Variants in SLC16A12 observed in about 807,000 individuals in gnomAD.
The protein encoded by SLC16A12 is monocarboxylate transporter 12.
Under a neutral mutation model 42.4 loss-of-function variants are expected in SLC16A12, and 17 were observed. The ratio of observed to expected loss-of-function variants is 0.40; its 90% CI spans 0.27 to 0.60. SLC16A12 has a LOEUF of 0.60. Among genes scored for constraint, SLC16A12 ranks in the 20% least tolerant of loss-of-function variants. The pLI is 0.42. For synonymous variants in SLC16A12, 224 were observed against 229.4 expected, an observed-to-expected ratio of 0.98 and a Z score of 0.21; for missense variants, 544 against 623.0, an observed-to-expected ratio of 0.87 and a Z score of 1.35.
intron 2 of SLC16A12, among the ~76,000 whole-genome samples, chr10:89,510,693 A>G (rs1447817051): frequency 6.6e-6 from 1 of 152,244 alleles, no homozygotes; most frequent in Non-Finnish European, 1.5e-5. Context: ...CGACTAAAAC[A>G]CCAAAAGCAA....
upstream of SLC16A12, among the ~76,000 whole-genome samples, chr10:89,538,182 T>C (rs1721551797): frequency 6.6e-6 from 1 of 152,224 alleles, no homozygotes; most frequent in South Asian, 2.1e-4. Context: ...CTGCTATCGC[T>C]GTGCAGAAGA....
chr10:89,470,467 G>T (rs760947831), intron 2 of SLC16A12, among the ~76,000 whole-genome samples: 1 of 152,226 alleles, frequency 6.6e-6, no homozygotes, highest in Non-Finnish European at 1.5e-5. Flanking sequence ...TGTCTAAGCA[G>T]AGAGAAACAG....
At chr10:89,536,392 G>A (rs565589024), upstream of SLC16A12, among the ~76,000 whole-genome samples, 1 of 152,088 alleles carries the variant, frequency 6.6e-6, no homozygotes, top group Non-Finnish European at 1.5e-5. Context: ...ATAACCTTGG[G>A]CAATTTAACT....
intron 2 of SLC16A12, among the ~76,000 whole-genome samples, chr10:89,488,007 TTTA>T (rs1238500646): frequency 7.3e-6 from 1 of 137,464 alleles, no homozygotes; most frequent in Non-Finnish European, 1.6e-5. Context: ...CACACACACA[TTTA>T]TTATACCATA....
At chr10:89,555,566 C>CGTATAT (rs1057512534) in intron 2 of SLC16A12, among the ~76,000 whole-genome samples, 2 of 93,796 alleles carry the variant, frequency 2.1e-5, no homozygotes, top group South Asian at 3.2e-4. Flanking sequence ...TATACATATA[C>CGTATAT]GTATATGTAT....
rs552672691 is a variant in SLC16A12 at position 89,487,730 on chromosome 10, T to G, written c.-46-25106A>C. ...AGGAGGCTTAGGCACAAGAATGGCT[T>G]GAACCTGGGAGGCAGAGTTTGCTGT... On this transcript the variant is annotated intron_variant, in intron 2 of 7. Transcript: ENST00000371790. Among the ~76,000 whole-genome samples, 14 of 144,178 alleles carry G rather than the reference T, an allele frequency of 9.7e-5. No homozygotes were observed. The South Asian group carries it at 1.7e-3, about 18-fold the overall frequency. 94.6% of individuals were successfully genotyped at this position (144,178 alleles called of 152,430 possible). A position where few individuals can be genotyped will look rare whatever the true frequency, so the allele number is the denominator to read the frequency against.
chr10:89,459,309 GT>G lies in SLC16A12; in HGVS notation c.200+3069del, dbSNP rs201227644. Among the ~76,000 whole-genome samples the G allele has an allele frequency of 4.9e-5, 7 of 143,732 alleles. No homozygotes were observed. The South Asian group carries it at 6.4e-4, about 13-fold the overall frequency. 94.3% of individuals were successfully genotyped at this position (143,732 alleles called of 152,430 possible). On this transcript the variant is annotated intron_variant, in intron 3 of 7. Coordinates refer to ENST00000371790, the MANE Select transcript of SLC16A12 (RefSeq NM_213606.4). ...GACAATGACTCCCATAACCAAGGCA[GT>G]TTTTTTAAAAAAAAAAACCCATGTC...
At chr10:89,494,384 A>T (rs1431603335) in intron 2 of SLC16A12, among the ~76,000 whole-genome samples, 1 of 152,210 alleles carries the variant, frequency 6.6e-6, no homozygotes, top group Non-Finnish European at 1.5e-5. Context: ...CAAATGCTCA[A>T]ATATGCTCAT....
chr10:89,551,956 G>C (rs1223033057), intron 2 of SLC16A12, among the ~76,000 whole-genome samples: 1 of 152,108 alleles, frequency 6.6e-6, no homozygotes, highest in Non-Finnish European at 1.5e-5. Context: ...AATTTTTTGA[G>C]ACAGAGTCTC....
At chr10:89,485,066 G>A (rs1178966898) in intron 2 of SLC16A12, among the ~76,000 whole-genome samples, 1 of 152,214 alleles carries the variant, frequency 6.6e-6, no homozygotes, top group Non-Finnish European at 1.5e-5. Context: ...CCTTCTGCCT[G>A]TATATAGAGC....
At chr10:89,486,601 AAAAAAGAAAGAAAG>A (rs1842746703) in intron 2 of SLC16A12, among the ~76,000 whole-genome samples, 2 of 130,886 alleles carry the variant, frequency 1.5e-5, no homozygotes, top group African/African-American at 3.0e-5. Context: ...CAAAAAAAAA[AAAAAAGAAAGAAAG>A]AAAGAAAGAA....
intron 5 of SLC16A12, among the ~76,000 whole-genome samples, chr10:89,440,072 T>TAAA (rs1841880196): frequency 5.3e-5 from 1 of 18,896 alleles, no homozygotes; most frequent in Non-Finnish European, 1.5e-4. Flanking sequence ...AGACCCTGTC[T>TAAA]CAAAAAAAAA....
intron 6 of SLC16A12, 27 bp from the exon 7 acceptor site, chr10:89,436,346 T>C (rs1230957438): frequency 1.9e-6 from 3 of 1,613,606 alleles, no homozygotes; most frequent in Admixed American, 1.7e-5. Context: ...CAAGAATAAG[T>C]GCAGGAGGTA....
chr10:89,449,593 A>G (rs1842059802), intron 3 of SLC16A12, among the ~76,000 whole-genome samples: 1 of 152,228 alleles, frequency 6.6e-6, no homozygotes, highest in African/African-American at 2.4e-5. Context: ...CTTATACCTT[A>G]TACAAAAATT....
intron 2 of SLC16A12, among the ~76,000 whole-genome samples, chr10:89,515,283 C>T (rs985522301): frequency 4.6e-5 from 7 of 152,174 alleles, no homozygotes; most frequent in Admixed American, 4.6e-4. Context: ...AAATCCCCCA[C>T]ATTGGGAATG....
At chr10:89,544,084 G>A (rs1283103558) in intron 2 of SLC16A12, among the ~76,000 whole-genome samples, 1 of 152,126 alleles carries the variant, frequency 6.6e-6, no homozygotes, top group Non-Finnish European at 1.5e-5. Context: ...CTTCCTCTGG[G>A]AGACTCATTC....
At chr10:89,494,047 T>A (rs1842886230) in intron 2 of SLC16A12, among the ~76,000 whole-genome samples, 1 of 152,140 alleles carries the variant, frequency 6.6e-6, no homozygotes, top group African/African-American at 2.4e-5. Flanking sequence ...ACTAATTTAA[T>A]CCCCCACGCT....
At chr10:89,540,839 G>A (rs944692952) in intron 2 of SLC16A12, among the ~76,000 whole-genome samples, 2 of 151,720 alleles carry the variant, frequency 1.3e-5, no homozygotes, top group African/African-American at 4.8e-5. Context: ...GAAAGGCATT[G>A]AATTTGAAAT....
At position 89,441,224 on chromosome 10, in the gene SLC16A12, T is replaced by C. The variant is rs1033783169; in HGVS notation, c.332A>G (p.His111Arg). The C allele has an allele frequency of 7.4e-6, 12 of 1,613,840 alleles. No homozygotes were observed. The highest frequency in any genetic ancestry group is 1.0e-5 in the Non-Finnish European group (12 of 1,179,958). Residue 111 changes from histidine (H) to arginine (R), a missense_variant, in exon 5 of 8, where the codon CAT becomes CGT. Physicochemically the swap from His to Arg is conservative, Grantham distance 29. Transcript: ENST00000371790. Reference sequence around the variant, plus strand: ...CATGATTCCCACTTGACAGGATAAATGGTTACTGACAACACTCCCAAGTGG... The same window carrying C: ...CATGATTCCCACTTGACAGGATAAACGGTTACTGACAACACTCCCAAGTGG... ...CAPLGSVVSN[H>R]LSCQVGIMLG...
Sources: allele counts gnomAD v4.1 joint callset (sites outside exome capture counted in the v4.1 genomes callset), GRCh38; gene constraint gnomAD v4.1.1; transcripts MANE v1.5; gene names NCBI Gene and HGNC (gene_info 2026-07-23, HGNC 2026-07-21).